The following VSX1 variants were observed in gnomAD, a reference collection of about 807,000 sequenced individuals.
VSX1 encodes visual system homeobox 1, also known as homeodomain protein RINX.
In VSX1, 23 loss-of-function variants were observed where a neutral mutation model predicts 23.6. The ratio of observed to expected loss-of-function variants is 0.97; its 90% CI spans 0.70 to 1.38. VSX1 has a LOEUF of 1.38. VSX1 is among the 40% of genes most tolerant of loss of function. The pLI, the probability that VSX1 is intolerant of heterozygous loss-of-function variation, is 0.00. For synonymous variants in VSX1, 247 were observed against 215.1 expected (o/e 1.15, Z -1.30); for missense variants, 517 against 495.4 (o/e 1.04, Z -0.41).
Position 25,076,292 on chromosome 20 carries a change from C to T in VSX1, c.1067G>A (p.Gly356Glu), listed in dbSNP as rs113233697. 2.8e-5 allele frequency: 45 copies of T among 1,614,174 alleles called. No individual in the cohort carries two copies. The African/African-American group carries it at 4.3e-4, about 15-fold the overall frequency. The part of the protein sequence containing the change: ...QGGSNSTALE[G>E]PQPGKVGAT The stretch of plus-strand genomic sequence containing the variant: ...GGCTCCCACCTTCCCTGGCTGGGGC[C>T]CCTCCAGTGCCGTGGAGTTGGAGCC... The change falls in exon 5 of 5, where the codon GGG (glycine) becomes GAG (glutamate). Residue 356 changes from glycine to glutamate, a missense_variant. Transcript: ENST00000376709.
chr20:25,072,719 T>C (rs1320602428), downstream of VSX1: 4 of 468,870 alleles, frequency 8.5e-6, no homozygotes, highest in Non-Finnish European at 1.3e-5. Context: ...CATATATTGT[T>C]TTTATACGAT....
downstream of VSX1, chr20:25,071,040 T>C (rs772724802): frequency 3.3e-5 from 15 of 453,972 alleles, no homozygotes; most frequent in Non-Finnish European, 1.8e-5. Flanking sequence ...GGATGGGTAA[T>C]GGACAATTAT....
chr20:25,077,615 G>A, intron 4 of VSX1, 70 bp downstream of exon 4: 1 of 1,523,640 alleles, frequency 6.6e-7, no homozygotes. Flanking sequence ...CTGCCTCGGT[G>A]GGGACACCCT....
At chr20:25,072,081 G>T, downstream of VSX1, 1 of 606,338 alleles carries the variant, frequency 1.6e-6, no homozygotes, top group South Asian at 2.2e-5. Context: ...AAGAGAGAGG[G>T]AAAGGTGGGA....
At chr20:25,080,721 A>T (rs1253630372) in intron 1 of VSX1, among the ~76,000 whole-genome samples, 1 of 152,200 alleles carries the variant, frequency 6.6e-6, no homozygotes, top group Non-Finnish European at 1.5e-5. Context: ...ACAGTTTTGC[A>T]TTTTTAGTGA....
rs1433334246 is a variant in VSX1 at position 25,079,515 on chromosome 20, C to G, written c.425-1G>C. The G allele has an allele frequency of 1.9e-6, 3 of 1,610,358 alleles. No homozygotes were observed. The African/African-American group carries it at 4.0e-5, about 22-fold the overall frequency. ...CTGTCTTCAGACTGGCTGTCCTCAT[C>G]TGATGGCACAGAAAGAAGAAGAGGA... On this transcript the variant is annotated splice_acceptor_variant, in intron 1 of 4. Coordinates refer to ENST00000376709, the MANE Select transcript of VSX1 (RefSeq NM_014588.6). LOFTEE classifies it high-confidence loss of function.
At position 25,082,114 on chromosome 20, in the gene VSX1, G is replaced by C. The variant is rs770890540; in HGVS notation, c.-18C>G. On this transcript the variant is annotated 5_prime_UTR_variant, in exon 1 of 5. Transcript: ENST00000376709. ...CCGGTCATGGTTCCTTAGCAAGCAA[G>C]GCGCGAGCCTCTCTGGATCCCGTTT... 1.5e-5 allele frequency: 23 copies of C among 1,535,642 alleles called. No homozygotes were observed. The highest frequency in any genetic ancestry group is 1.9e-5 in the Non-Finnish European group (22 of 1,147,006).
In VSX1 at chr20:25,081,968, C is replaced by A. The variant is rs2089659310; in HGVS notation, c.129G>T (p.Leu43=). ...CCTGTCCTGGGCCAGCGGGCGCCGGCAGCTCGGCCTCCAAGCCCAGCAGGT... is the reference window on the plus strand; with the variant it reads ...CCTGTCCTGGGCCAGCGGGCGCCGGAAGCTCGGCCTCCAAGCCCAGCAGGT... ...ITDLLGLEAE[L]PAPAGPGQGS... Residue 43 remains leucine, a synonymous_variant, in exon 1 of 5, where the codon CTG becomes CTT. Coordinates refer to ENST00000376709, the MANE Select transcript of VSX1 (RefSeq NM_014588.6). 1 of 1,533,002 alleles carries A rather than the reference C, an allele frequency of 6.5e-7. No homozygotes were observed. Among genetic ancestry groups the A allele is most frequent in the Non-Finnish European group, 8.7e-7 (1 of 1,146,136 alleles). 95.0% of individuals were successfully genotyped at this position (1,533,002 alleles called of 1,614,324 possible).
rs1288356594 is a variant in VSX1, at chr20:25,079,429, C to T, written c.503+7G>A. 1 of 1,610,192 alleles carries T rather than the reference C, an allele frequency of 6.2e-7. No homozygotes were observed. Among genetic ancestry groups the T allele is most frequent in the East Asian group, 2.2e-5 (1 of 44,862 alleles). ...AGGCAGGCAGAGGGGACTGCCTGGC[C>T]CTATACCTGTGCCGCCGCTTCTTCC... On this transcript the variant is annotated splice_region_variant and intron_variant, in intron 2 of 4. Coordinates refer to ENST00000376709, the MANE Select transcript of VSX1 (RefSeq NM_014588.6).
Position 25,077,697 on chromosome 20 carries a change from G to A in VSX1, c.796C>T (p.Pro266Ser). Reference sequence around the variant, plus strand: ...GGCCCTTCCTTACCCAGGAGCCAGGGCGCGCAGGAGCCCAGCAGGCCGCCC... The same window carrying A: ...GGCCCTTCCTTACCCAGGAGCCAGGACGCGCAGGAGCCCAGCAGGCCGCCC... ...AEGGLLGSCAPWLLGMHKKSM... is the reference protein window; with the variant it reads ...AEGGLLGSCASWLLGMHKKSM... The change falls in exon 4 of 5, where the codon CCC (proline) becomes TCC (serine). Residue 266 changes from proline to serine, a missense_variant. By Grantham distance (74) the Pro-to-Ser change is moderately conservative. Transcript: ENST00000376709. 1.3e-6 allele frequency: 2 copies of A among 1,548,752 alleles called. No homozygotes were observed. Among genetic ancestry groups the A allele is most frequent in the Non-Finnish European group, 1.7e-6 (2 of 1,146,772 alleles).
chr20:25,078,678 C>T (rs1185040220), intron 3 of VSX1, 151 bp downstream of exon 3: 1 of 1,603,254 alleles, frequency 6.2e-7, no homozygotes, highest in African/African-American at 1.3e-5. Flanking sequence ...TAGGGGCAAG[C>T]TCTTGTGGTG....
rs2089645990 is a variant in VSX1 at position 25,081,673 on chromosome 20, C to A, written c.424G>T (p.Asp142Tyr). The A allele has an allele frequency of 6.6e-7, 1 of 1,519,744 alleles. No homozygotes were observed. The highest frequency in any genetic ancestry group is 2.3e-4 in the Middle Eastern group (1 of 4,312). 94.1% of individuals were successfully genotyped at this position (1,519,744 alleles called of 1,614,324 possible). The change falls in exon 1 of 5, where the codon GAT becomes TAT. Residue 142 changes from aspartate to tyrosine, a missense_variant and splice_region_variant. Coordinates refer to ENST00000376709, the MANE Select transcript of VSX1 (RefSeq NM_014588.6). ...GAGCGGAAAGCGCGGGCCTGATTACCGGACGTGGAGACGCTGTCGCTGCGC... is the reference window on the plus strand; with the variant it reads ...GAGCGGAAAGCGCGGGCCTGATTACAGGACGTGGAGACGCTGTCGCTGCGC... ...QKRSDSVSTS[D>Y]EDSQSEDRND... is the part of the protein sequence containing the mutation.
At chr20:25,072,717 G>GT, downstream of VSX1, 1 of 468,970 alleles carries the variant, frequency 2.1e-6, no homozygotes. Context: ...TTCATATATT[G>GT]TTTTTATACG....
At chr20:25,080,730 G>T (rs1183134072) in intron 1 of VSX1, among the ~76,000 whole-genome samples, 1 of 152,206 alleles carries the variant, frequency 6.6e-6, no homozygotes, top group African/African-American at 2.4e-5. Context: ...CATTTTTAGT[G>T]ACACTAATAG....
chr20:25,071,345 C>T (rs1228745000), downstream of VSX1: 5 of 453,984 alleles, frequency 1.1e-5, no homozygotes, highest in South Asian at 3.1e-5. Context: ...CAGTGGCTCA[C>T]GCTGTAATCC....
chr20:25,077,335 T>C (rs750832635), intron 4 of VSX1, among the ~76,000 whole-genome samples: 4 of 152,180 alleles, frequency 2.6e-5, no homozygotes, highest in Non-Finnish European at 4.4e-5. Context: ...CTGTTTCCTA[T>C]TACCAAGTGC....
At chr20:25,079,224 C>CA (rs1447288107) in intron 2 of VSX1, among the ~76,000 whole-genome samples, 73 of 152,202 alleles carry the variant, frequency 4.8e-4, no homozygotes, top group African/African-American at 1.7e-3. Flanking sequence ...AAAATGCTCC[C>CA]AAAAAAATGC....
downstream of VSX1, chr20:25,071,074 CG>C: frequency 2.2e-6 from 1 of 453,972 alleles, no homozygotes; most frequent in South Asian, 1.6e-5. Flanking sequence ...TTTCAAAGCC[CG>C]GGTTGAGATC....
Position 25,082,058 on chromosome 20 carries a change from G to A in VSX1, c.39C>T (p.Ser13=), listed in dbSNP as rs571745931. ...GRDSLSDGRT[S]SRALVPGGSP... ...AACCGCCAGGCACCAGCGCCCTGCT[G>A]CTAGTGCGCCCGTCGGAAAGCGAGT... is the stretch of plus-strand genomic sequence containing the variant. The change falls in exon 1 of 5, where the codon AGC becomes AGT. Residue 13 remains serine, a synonymous_variant. Coordinates refer to ENST00000376709, the MANE Select transcript of VSX1 (RefSeq NM_014588.6). The A allele has an allele frequency of 1.8e-5, 28 of 1,538,708 alleles. No homozygotes were observed. The African/African-American group carries it at 3.3e-4, about 18-fold the overall frequency.
Sources: allele counts gnomAD v4.1 joint callset (sites outside exome capture counted in the v4.1 genomes callset), GRCh38; gene constraint gnomAD v4.1.1; transcripts MANE v1.5; gene names NCBI Gene and HGNC (gene_info 2026-07-23, HGNC 2026-07-21).